Variants in LATS1 observed in about 807,000 individuals in gnomAD.
The protein encoded by LATS1 is large tumor suppressor kinase 1.
A neutral mutation model predicts 106.6 loss-of-function variants in LATS1; 25 were observed. That is an observed-to-expected ratio of 0.23 (90% confidence interval 0.17 to 0.33). The LOEUF is 0.33. Among genes scored for constraint, LATS1 ranks in the 10% least tolerant of loss-of-function variants. LATS1 has a pLI of 1.00. For missense variants in LATS1, 1,040 were observed against 1,382.6 expected (o/e 0.75, Z 3.93); for synonymous variants, 465 against 455.6 (o/e 1.02, Z -0.26).
chr6:149,658,903 C>T lies in LATS1; in HGVS notation c.*2826G>A, dbSNP rs754408178. On this transcript the variant is annotated 3_prime_UTR_variant, in exon 8 of 8. Coordinates refer to ENST00000543571, the MANE Select transcript of LATS1 (RefSeq NM_004690.4). ...AAAAGGGTAAGTATAATAAAGACAG[C>T]AAGTTTTTAATAAGAAAATTATTTT... 2.0e-5 allele frequency: 3 copies of T among 151,990 alleles called. No homozygotes were observed. The highest frequency in any genetic ancestry group is 4.4e-5 in the Non-Finnish European group (3 of 67,994). 9.4% of individuals were successfully genotyped at this position (151,990 alleles called of 1,614,324 possible).
chr6:149,686,628 T>C (rs541641658), intron 3 of LATS1, among the ~76,000 whole-genome samples: 5 of 152,326 alleles, frequency 3.3e-5, no homozygotes, highest in African/African-American at 1.2e-4. Flanking sequence ...CCTTTAAAAA[T>C]AACCTGGCCT....
At chr6:149,677,662 GGAGA>G (rs1359491685) in intron 5 of LATS1, among the ~76,000 whole-genome samples, 1 of 152,148 alleles carries the variant, frequency 6.6e-6, no homozygotes, top group African/African-American at 2.4e-5. Context: ...GGCCATTTCT[GGAGA>G]GAGAGATTTG....
Position 149,661,910 on chromosome 6 carries a change from G to A in LATS1, c.3212C>T (p.Pro1071Leu), listed in dbSNP as rs1780901220. The change falls in exon 8 of 8, where the codon CCT becomes CTT. Residue 1071 changes from proline to leucine, a missense_variant. Transcript: ENST00000543571. ...LNGWYKNGKH[P>L]EHAFYEFTFR... ...GGTAAATTCATAGAATGCATGTTCA[G>A]GATGCTTTCCATTTTTATACCATCC... 1 of 1,613,906 alleles carries A rather than the reference G, an allele frequency of 6.2e-7. No homozygotes were observed. The highest frequency in any genetic ancestry group is 2.2e-5 in the East Asian group (1 of 44,870).
At chr6:149,694,097 T>TA (rs1562343727) in intron 3 of LATS1, among the ~76,000 whole-genome samples, 1 of 151,798 alleles carries the variant, frequency 6.6e-6, no homozygotes, top group Non-Finnish European at 1.5e-5. Context: ...CTCAAAAAAA[T>TA]AAAAAAATAA....
intron 7 of LATS1, among the ~76,000 whole-genome samples, chr6:149,671,118 GTTTT>G (rs1010499372): frequency 1.1e-4 from 13 of 123,266 alleles, no homozygotes; most frequent in Non-Finnish European, 1.5e-4. Context: ...AGGTTCAGTT[GTTTT>G]TTTGTTTGTT....
rs1300227573 is a variant in LATS1, at chr6:149,660,646, A to G, written c.*1083T>C. On this transcript the variant is annotated 3_prime_UTR_variant, in exon 8 of 8. Coordinates refer to ENST00000543571, the MANE Select transcript of LATS1 (RefSeq NM_004690.4). Reference sequence around the variant, plus strand: ...ACAGGCATGTTGAACGCATTATTGAACCTTAAATAAATTAGGAGGACTTGA... The same window carrying G: ...ACAGGCATGTTGAACGCATTATTGAGCCTTAAATAAATTAGGAGGACTTGA... The G allele has an allele frequency of 4.3e-6, 1 of 231,346 alleles. No homozygotes were observed. The highest frequency in any genetic ancestry group is 8.5e-6 in the Non-Finnish European group (1 of 117,058). 14.3% of individuals were successfully genotyped at this position (231,346 alleles called of 1,614,324 possible). A position where few individuals can be genotyped will look rare whatever the true frequency, so the allele number is the denominator to read the frequency against.
At chr6:149,715,455 G>A (rs954559276) in intron 1 of LATS1, among the ~76,000 whole-genome samples, 1 of 152,152 alleles carries the variant, frequency 6.6e-6, no homozygotes, top group South Asian at 2.1e-4. Flanking sequence ...CTGCAAACTG[G>A]TAACTTCAAT....
chr6:149,699,417 G>A (rs4870493), intron 2 of LATS1, among the ~76,000 whole-genome samples: 1 of 151,616 alleles, frequency 6.6e-6, no homozygotes, highest in Non-Finnish European at 1.5e-5. Context: ...ACAGCCTTGT[G>A]TGTGATCTTT....
chr6:149,667,723 T>A (rs1251331035), intron 7 of LATS1, among the ~76,000 whole-genome samples: 1 of 152,062 alleles, frequency 6.6e-6, no homozygotes, highest in Non-Finnish European at 1.5e-5. Context: ...CCAAACGGAA[T>A]AAAGCCTGAG....
At chr6:149,700,202 G>C (rs1783373122) in intron 2 of LATS1, among the ~76,000 whole-genome samples, 1 of 152,206 alleles carries the variant, frequency 6.6e-6, no homozygotes, top group Admixed American at 6.5e-5. Flanking sequence ...TCAGCTGGGT[G>C]TGGTGGCTCA....
chr6:149,663,922 C>T (rs1187919918), intron 7 of LATS1, among the ~76,000 whole-genome samples: 1 of 151,838 alleles, frequency 6.6e-6, no homozygotes. Context: ...ATTCTCCTGC[C>T]TCAGCCTCCT....
chr6:149,675,987 C>A (rs562633366), intron 7 of LATS1: 19 of 367,698 alleles, frequency 5.2e-5, no homozygotes, highest in Admixed American at 3.4e-4. Flanking sequence ...TTCCTATACC[C>A]TTACAAGTTC....
chr6:149,689,435 T>A (rs1273581401), intron 3 of LATS1, among the ~76,000 whole-genome samples: 2 of 145,272 alleles, frequency 1.4e-5, no homozygotes, highest in Non-Finnish European at 3.0e-5. Context: ...AAAAAAAAAA[T>A]TACCCTTTTA....
intron 3 of LATS1, among the ~76,000 whole-genome samples, chr6:149,689,806 T>C (rs1782620363): frequency 6.6e-6 from 1 of 152,218 alleles, no homozygotes; most frequent in Non-Finnish European, 1.5e-5. Context: ...GAAAAATGAC[T>C]GTTCCTCTAT....
At chr6:149,708,797 T>TGG (rs1783933512) in intron 1 of LATS1, among the ~76,000 whole-genome samples, 3 of 152,202 alleles carry the variant, frequency 2.0e-5, no homozygotes, top group African/African-American at 7.2e-5. Context: ...TCTGTTGTGT[T>TGG]AAGCCATTGA....
At chr6:149,664,537 G>A (rs1194098467) in intron 7 of LATS1, among the ~76,000 whole-genome samples, 1 of 152,064 alleles carries the variant, frequency 6.6e-6, no homozygotes, top group Non-Finnish European at 1.5e-5. Context: ...CAACCAGAGA[G>A]GTCCCAGTTT....
At chr6:149,713,087 G>A (rs1005650726) in intron 1 of LATS1, among the ~76,000 whole-genome samples, 1 of 152,096 alleles carries the variant, frequency 6.6e-6, no homozygotes, top group African/African-American at 2.4e-5. Flanking sequence ...TGAGAAAGAT[G>A]TGTACCTTCC....
chr6:149,674,108 C>G (rs529057076), intron 7 of LATS1, among the ~76,000 whole-genome samples: 1 of 148,964 alleles, frequency 6.7e-6, no homozygotes, highest in East Asian at 2.0e-4. Flanking sequence ...GAGTTTTGCT[C>G]TTATTGCCCA....
Position 149,658,265 on chromosome 6 carries a change from C to T in LATS1, c.*3464G>A, listed in dbSNP as rs1780771744. The T allele has an allele frequency of 6.6e-6, 1 of 152,112 alleles. No homozygotes were observed. Among genetic ancestry groups the T allele is most frequent in the African/African-American group, 2.4e-5 (1 of 41,438 alleles). The allele number at this position is 152,112 out of a possible 1,614,324, so 9.4% of individuals were successfully genotyped here. On this transcript the variant is annotated 3_prime_UTR_variant, in exon 8 of 8. Transcript: ENST00000543571. ...ACAGGCTGATTATTCATATCTATTA[C>T]ATTCAGAATTATGCGAAACAATTAG...
Sources: allele counts gnomAD v4.1 joint callset (sites outside exome capture counted in the v4.1 genomes callset), GRCh38; gene constraint gnomAD v4.1.1; transcripts MANE v1.5; gene names NCBI Gene and HGNC (gene_info 2026-07-23, HGNC 2026-07-21).